SETD4: variants seen among roughly 807,000 people sequenced by gnomAD.
The protein encoded by SETD4 is SET domain containing 4.
SETD4 carries 46 observed loss-of-function variants against 58.3 expected under a neutral mutation model. The ratio of observed to expected loss-of-function variants is 0.79; its 90% CI spans 0.62 to 1.01. The LOEUF is 1.01. Among genes scored for constraint, SETD4 ranks in the 50% least tolerant of loss-of-function variants. The probability of loss-of-function intolerance (pLI) is 0.00; values close to 1 mark genes in which losing one functional copy is unlikely to be tolerated. For missense variants in SETD4, 490 were observed against 523.3 expected, an observed-to-expected ratio of 0.94 and a Z score of 0.62; for synonymous variants, 190 against 202.6, an observed-to-expected ratio of 0.94 and a Z score of 0.53.
rs755367148 is a variant in SETD4 at position 36,045,874 on chromosome 21, G to A, written c.434C>T (p.Pro145Leu). 14 of 1,614,132 alleles carry A rather than the reference G, an allele frequency of 8.7e-6. No individual in the cohort carries two copies. The South Asian group carries it at 1.1e-4, about 13-fold the overall frequency. ...KAYTCPVCLE[P>L]EVVNLLPKSL... The stretch of plus-strand genomic sequence containing the variant: ...TTTGGGAAGAAGGTTCACCACTTCC[G>A]GCTCCAAACAAACAGGGCAGGTATA... Residue 145 changes from proline (P) to leucine (L), a missense_variant, in exon 6 of 12, where the codon CCG becomes CTG. By Grantham distance (98) the Pro-to-Leu change is moderately conservative. Transcript: ENST00000332131.
chr21:36,057,929 T>A (rs1194989072), intron 2 of SETD4, among the ~76,000 whole-genome samples: 1 of 152,214 alleles, frequency 6.6e-6, no homozygotes, highest in Non-Finnish European at 1.5e-5. Flanking sequence ...TTGTACCATA[T>A]CCAGTTGGAT....
At chr21:36,054,397 G>C (rs1418943342) in intron 3 of SETD4, among the ~76,000 whole-genome samples, 1 of 152,220 alleles carries the variant, frequency 6.6e-6, no homozygotes, top group Non-Finnish European at 1.5e-5. Context: ...GCAGGCATAG[G>C]TATTACATGG....
At chr21:36,049,976 T>C (rs2064558704) in intron 4 of SETD4, among the ~76,000 whole-genome samples, 1 of 152,206 alleles carries the variant, frequency 6.6e-6, no homozygotes, top group Non-Finnish European at 1.5e-5. Context: ...ATGTACTTAA[T>C]ACTACTGAAC....
chr21:36,060,305 C>G (rs1568948589), intron 1 of SETD4, 42 bp downstream of exon 1: 1 of 271,958 alleles, frequency 3.7e-6, no homozygotes, highest in African/African-American at 2.3e-5. Context: ...CTCCCGTTAC[C>G]CGGGCAACTG....
rs1458787980 is a variant in SETD4, at chr21:36,040,666, A to G, written c.984-11T>C. On this transcript the variant is annotated splice_polypyrimidine_tract_variant and intron_variant, in intron 8 of 11. Transcript: ENST00000332131. Reference sequence around the variant, plus strand: ...CCAAATGTCAAATTTCTGAAGTAGAAAAACAAATAATGACAAATCCATCAT... The same window carrying G: ...CCAAATGTCAAATTTCTGAAGTAGAGAAACAAATAATGACAAATCCATCAT... 8 of 1,608,376 alleles carry G rather than the reference A, an allele frequency of 5.0e-6. No homozygotes were observed. In the Admixed American group the frequency reaches 1.3e-4, roughly 27 times the overall value.
chr21:36,056,153 T>A (rs749654161), intron 3 of SETD4, among the ~76,000 whole-genome samples: 1 of 152,194 alleles, frequency 6.6e-6, no homozygotes, highest in African/African-American at 2.4e-5. Context: ...AACTGACTCA[T>A]GGAGAACAAC....
chr21:36,053,263 A>T (rs2064807063), intron 4 of SETD4: 1 of 401,252 alleles, frequency 2.5e-6, no homozygotes, highest in African/African-American at 2.0e-5. Flanking sequence ...CAGTTCCCTT[A>T]AGGACATGAG....
intron 2 of SETD4, 145 bp from the exon 3 acceptor site, chr21:36,057,349 T>C (rs1010098185): frequency 1.3e-6 from 1 of 757,754 alleles, no homozygotes; most frequent in African/African-American, 1.7e-5. Context: ...AAAGTTACAA[T>C]AAAAACACAG....
At chr21:36,044,087 T>C in intron 6 of SETD4, 131 bp from the exon 7 acceptor site, 3 of 1,121,706 alleles carry the variant, frequency 2.7e-6, no homozygotes, top group Non-Finnish European at 3.7e-6. Context: ...TAACTACGCA[T>C]AGGGAAAATG....
Position 36,059,082 on chromosome 21 carries a change from T to C in SETD4, c.-36-158A>G, listed in dbSNP as rs945289159. On this transcript the variant is annotated intron_variant, in intron 1 of 11. Transcript: ENST00000332131. Reference sequence around the variant, plus strand: ...GTTTTGGTAAACTGTTTCTCTCAAGTGCTTTTGTACATGAAACGTTTATAC... The same window carrying C: ...GTTTTGGTAAACTGTTTCTCTCAAGCGCTTTTGTACATGAAACGTTTATAC... 10 of 889,630 alleles carry C rather than the reference T, an allele frequency of 1.1e-5. No individual in the cohort carries two copies. In the African/African-American group the frequency reaches 1.5e-4, roughly 14 times the overall value. 55.1% of individuals were successfully genotyped at this position (889,630 alleles called of 1,614,324 possible).
intron 3 of SETD4, 66 bp downstream of exon 3, chr21:36,057,042 AG>A (rs2065019092): frequency 1.1e-5 from 14 of 1,244,680 alleles, no homozygotes; most frequent in Non-Finnish European, 1.7e-5. Context: ...CACCTGCAAG[AG>A]TGGCCCCTGC....
At chr21:36,038,341 G>A in intron 9 of SETD4, 68 bp from the exon 10 acceptor site, 1 of 1,557,364 alleles carries the variant, frequency 6.4e-7, no homozygotes, top group East Asian at 2.3e-5. Flanking sequence ...TTGTTTCAGT[G>A]CAACACATAA....
chr21:36,036,280 TGTA>T, intron 10 of SETD4, 29 bp from the exon 11 acceptor site: 1 of 1,545,750 alleles, frequency 6.5e-7, no homozygotes, highest in Non-Finnish European at 8.7e-7. Context: ...TTATTGTTAT[TGTA>T]GTAAAACATA....
At chr21:36,036,003 TGAGTAG>T in intron 11 of SETD4, 43 bp from the exon 12 acceptor site, 1 of 1,327,648 alleles carries the variant, frequency 7.5e-7, no homozygotes, top group Non-Finnish European at 1.1e-6. Context: ...TCCTAATTGT[TGAGTAG>T]ACACAACTCA....
chr21:36,035,978 G>T lies in SETD4; in HGVS notation c.*33-18C>A. 2 of 1,175,128 alleles carry T rather than the reference G, an allele frequency of 1.7e-6. No homozygotes were observed. The highest frequency in any genetic ancestry group is 2.4e-6 in the Non-Finnish European group (2 of 823,144). The allele number at this position is 1,175,128 out of a possible 1,614,324, so 72.8% of individuals were successfully genotyped here. The stretch of plus-strand genomic sequence containing the variant: ...TTTTGTTTCTGTAGGAAAAGCAAAA[G>T]GAAAAGGATTAAGTTCCTAATTGTT... On this transcript the variant is annotated intron_variant, in intron 11 of 11. Coordinates refer to ENST00000332131, the MANE Select transcript of SETD4 (RefSeq NM_017438.5).
At chr21:36,049,918 G>A (rs1304863705) in intron 4 of SETD4, among the ~76,000 whole-genome samples, 2 of 152,258 alleles carry the variant, frequency 1.3e-5, no homozygotes, top group East Asian at 3.9e-4. Flanking sequence ...ACAGAATAAA[G>A]TCAATTACAC....
intron 9 of SETD4, among the ~76,000 whole-genome samples, chr21:36,039,582 G>A (rs2063944966): frequency 6.6e-6 from 1 of 152,188 alleles, no homozygotes; most frequent in Non-Finnish European, 1.5e-5. Context: ...ACAAGACACT[G>A]CAGGAATGGG....
At chr21:36,057,030 C>T (rs1425989178) in intron 3 of SETD4, 79 bp downstream of exon 3, 2 of 1,109,716 alleles carry the variant, frequency 1.8e-6, no homozygotes, top group African/African-American at 1.5e-5. Context: ...TCTGCTGAGG[C>T]CCACCTGCAA....
rs1275400931 is a variant in SETD4, at chr21:36,053,552, T to G, written c.207+31A>C. 5 of 1,613,006 alleles carry G rather than the reference T, an allele frequency of 3.1e-6. No individual in the cohort carries two copies. The African/African-American group carries it at 6.7e-5, about 22-fold the overall frequency. On this transcript the variant is annotated intron_variant, in intron 4 of 11. Coordinates refer to ENST00000332131, the MANE Select transcript of SETD4 (RefSeq NM_017438.5). The stretch of plus-strand genomic sequence containing the variant: ...AAAAACAAAGCAGCAAAATCTACAT[T>G]GGGTTTCAAGGATCAAAGAACAGTT...
Sources: gnomAD v4.1 joint callset for allele counts (sites outside exome capture counted in the v4.1 genomes callset) on GRCh38, gnomAD v4.1.1 for gene constraint, MANE v1.5 for transcripts, NCBI Gene and HGNC (gene_info 2026-07-23, HGNC 2026-07-21) for gene names.